ANK3: variants seen among roughly 807,000 people sequenced by gnomAD.
ANK3 encodes ankyrin 3.
A neutral mutation model predicts 370.9 loss-of-function variants in ANK3; 57 were observed. The ratio of observed to expected loss-of-function variants is 0.15; its 90% confidence interval spans 0.12 to 0.19. The LOEUF is 0.19. Among genes scored for constraint, ANK3 ranks in the 10% least tolerant of loss-of-function variants. ANK3 has a pLI of 1.00. For synonymous variants in ANK3, 1,929 were observed against 1,946.3 expected, an observed-to-expected ratio of 0.99 and a Z score of 0.23; for missense variants, 4,439 against 5,302.1, an observed-to-expected ratio of 0.84 and a Z score of 5.06.
At position 60,278,799 on chromosome 10, in the gene ANK3, C is replaced by G; in HGVS notation, c.389G>C (p.Gly130Ala). 2 of 1,613,706 alleles carry G rather than the reference C, an allele frequency of 1.2e-6. No homozygotes were observed. The highest frequency in any genetic ancestry group is 1.7e-6 in the Non-Finnish European group (2 of 1,179,720). The stretch of plus-strand genomic sequence containing the variant: ...CTGAGATTGTGCATTGACATTGGCT[C>G]CATTTGTAACCAAGACTTTTACCAC... ...AEVVKVLVTN[G>A]ANVNAQSQNG... is the part of the protein sequence containing the mutation. The change falls in exon 4 of 44, where the codon GGA becomes GCA. Residue 130 changes from glycine (G) to alanine (A), a missense_variant. Physicochemically the swap from Gly to Ala is moderately conservative, Grantham distance 60. Transcript: ENST00000280772.
Position 60,242,859 on chromosome 10 carries a change from A to T in ANK3, c.799-8073T>A, listed in dbSNP as rs114067418. Among the ~76,000 whole-genome samples, 214 of 152,280 alleles carry T rather than the reference A, an allele frequency of 1.4e-3. 1 individual carries two copies. Among genetic ancestry groups the T allele is most frequent in the African/African-American group, 4.8e-3 (199 of 41,564 alleles). ...TTTTACAGATGAGGAAATCTGTGAA[A>T]ATCTGAAAAATTTGATTTTTTGAAG... On this transcript the variant is annotated intron_variant, in intron 7 of 43. Transcript: ENST00000280772.
chr10:60,479,837 C>A (rs556736049), intron 2 of ANK3, among the ~76,000 whole-genome samples: 28 of 152,274 alleles, frequency 1.8e-4, no homozygotes, highest in African/African-American at 6.7e-4. Flanking sequence ...AATTTCACAA[C>A]GCTTTTGATT....
At chr10:60,427,527 T>TAA (rs113958727) in intron 2 of ANK3, among the ~76,000 whole-genome samples, 3 of 142,418 alleles carry the variant, frequency 2.1e-5, no homozygotes, top group South Asian at 2.2e-4. Context: ...TTTCGGGCCC[T>TAA]AAAAAAAAAA....
chr10:60,476,096 G>A (rs183575233), intron 2 of ANK3, among the ~76,000 whole-genome samples: 1 of 152,272 alleles, frequency 6.6e-6, no homozygotes, highest in Non-Finnish European at 1.5e-5. Context: ...CAGGAGCTAA[G>A]AGAAATGAAG....
At position 60,278,798 on chromosome 10, in the gene ANK3, T is replaced by C; in HGVS notation, c.390A>G (p.Gly130=). 1 of 1,613,884 alleles carries C rather than the reference T, an allele frequency of 6.2e-7. No individual in the cohort carries two copies. Among genetic ancestry groups the C allele is most frequent in the South Asian group, 1.1e-5 (1 of 91,064 alleles). Residue 130 remains glycine (G), a synonymous_variant, in exon 4 of 44, where the codon GGA becomes GGG. Coordinates refer to ENST00000280772, the MANE Select transcript of ANK3 (RefSeq NM_020987.5). Reference sequence around the variant, plus strand: ...CCTGAGATTGTGCATTGACATTGGCTCCATTTGTAACCAAGACTTTTACCA... The same window carrying C: ...CCTGAGATTGTGCATTGACATTGGCCCCATTTGTAACCAAGACTTTTACCA... ...AEVVKVLVTN[G]ANVNAQSQNG...
rs1179209288 is a variant in ANK3 at position 60,068,522 on chromosome 10, G to T, written c.12244+115C>A. The T allele has an allele frequency of 4.5e-6, 5 of 1,111,882 alleles. No homozygotes were observed. In the East Asian group the frequency reaches 1.2e-4, roughly 26 times the overall value. 68.9% of individuals were successfully genotyped at this position (1,111,882 alleles called of 1,614,324 possible). The stretch of plus-strand genomic sequence containing the variant: ...AAACTACGGTTAAGTCACTCCACAG[G>T]CAATCACAACAGTTCATGCACTAGG... On this transcript the variant is annotated intron_variant, in intron 37 of 43. Coordinates refer to ENST00000280772, the MANE Select transcript of ANK3 (RefSeq NM_020987.5).
In ANK3 at chr10:60,176,152, G is replaced by A. The variant is rs1591289091; in HGVS notation, c.2185-2966C>T. On this transcript the variant is annotated intron_variant, in intron 18 of 43. Transcript: ENST00000280772. The stretch of plus-strand genomic sequence containing the variant: ...GTTCAAGACCAGCCTGGTCAACATG[G>A]CAAAAACCCTGTCTCTGCTAAAAAT... Among the ~76,000 whole-genome samples, 3 of 141,162 alleles carry A rather than the reference G, an allele frequency of 2.1e-5. 1 individual carries two copies. Among genetic ancestry groups the A allele is most frequent in the Admixed American group, 7.3e-5 (1 of 13,694 alleles). The allele number at this position is 141,162 out of a possible 152,430, so 92.6% of individuals were successfully genotyped here.
intron 28 of ANK3, among the ~76,000 whole-genome samples, chr10:60,090,673 G>A (rs888014221): frequency 1.3e-5 from 2 of 152,082 alleles, no homozygotes; most frequent in Non-Finnish European, 2.9e-5. Context: ...TGTTCAAACT[G>A]GATAATTTAC....
chr10:60,299,708 A>G (rs1384490441), intron 1 of ANK3, among the ~76,000 whole-genome samples: 2 of 152,198 alleles, frequency 1.3e-5, no homozygotes, highest in African/African-American at 4.8e-5. Context: ...AGTATCCCTT[A>G]AGGGGGAGAT....
intron 2 of ANK3, among the ~76,000 whole-genome samples, chr10:60,600,327 A>C (rs55849269): frequency 1.3e-5 from 2 of 152,088 alleles, no homozygotes; most frequent in Admixed American, 1.3e-4. Flanking sequence ...TCCTAATTCC[A>C]GATTTTGCTG....
intron 1 of ANK3, among the ~76,000 whole-genome samples, chr10:60,303,041 G>A (rs376754067): frequency 8.3e-4 from 126 of 152,166 alleles, no homozygotes; most frequent in African/African-American, 3.0e-3. Flanking sequence ...ATCTAACACT[G>A]TATACAAAAG....
At chr10:60,147,277 C>T (rs965774747) in intron 23 of ANK3, among the ~76,000 whole-genome samples, 1 of 152,132 alleles carries the variant, frequency 6.6e-6, no homozygotes, top group Admixed American at 6.5e-5. Flanking sequence ...GGACTGGAGC[C>T]TCAGAGAAAA....
At chr10:60,146,688 C>A (rs1253845704) in intron 23 of ANK3, among the ~76,000 whole-genome samples, 1 of 152,104 alleles carries the variant, frequency 6.6e-6, no homozygotes, top group East Asian at 1.9e-4. Flanking sequence ...AGGGTTCCAC[C>A]ATATTGGCCA....
At position 60,515,126 on chromosome 10, in the gene ANK3, T is replaced by C. The variant is rs12248282; in HGVS notation, c.96+100060A>G. 6.1e-3 allele frequency among the ~76,000 whole-genome samples: 932 copies of C among 152,276 alleles called. 10 individuals carry two copies. Among genetic ancestry groups the C allele is most frequent in the African/African-American group, 0.021 (863 of 41,564 alleles). On this transcript the variant is annotated intron_variant, in intron 2 of 43. Transcript: ENST00000373827. ...ATAAGAAGTTCTGATCAGGAAACTA[T>C]ATAGGTAATGTGTTATATTAGACAT...
At chr10:60,590,301 A>G (rs1365415214) in intron 2 of ANK3, among the ~76,000 whole-genome samples, 1 of 152,208 alleles carries the variant, frequency 6.6e-6, no homozygotes, top group Non-Finnish European at 1.5e-5. Flanking sequence ...GTATGGAAAA[A>G]CATGTAAAAT....
At chr10:60,547,759 C>G (rs1159621072) in intron 2 of ANK3, among the ~76,000 whole-genome samples, 1 of 151,850 alleles carries the variant, frequency 6.6e-6, no homozygotes, top group Non-Finnish European at 1.5e-5. Context: ...CCTTATCAAG[C>G]AAATTAACTA....
chr10:60,607,327 G>A (rs2078141675), intron 2 of ANK3, among the ~76,000 whole-genome samples: 1 of 152,058 alleles, frequency 6.6e-6, no homozygotes. Flanking sequence ...AGACAGTAAG[G>A]ATTGGGACTA....
chr10:60,071,530 G>A lies in ANK3; in HGVS notation c.9351C>T (p.Ile3117=), dbSNP rs1716236855. 2 of 1,614,038 alleles carry A rather than the reference G, an allele frequency of 1.2e-6. No homozygotes were observed. Among genetic ancestry groups the A allele is most frequent in the Non-Finnish European group, 8.5e-7 (1 of 1,179,964 alleles). Residue 3117 remains isoleucine (I), a synonymous_variant, in exon 37 of 44, where the codon ATC becomes ATT. Transcript: ENST00000280772. ...GTACTGTCTTACATTCCTGACTTAT[G>A]ATTTTTTTTACACCTCCTTGTTGTA... The part of the protein sequence containing the change: ...KEIQQGGVKK[I]ISQECKTVQE...
intron 2 of ANK3, among the ~76,000 whole-genome samples, chr10:60,434,576 G>T (rs1056290757): frequency 7.9e-5 from 12 of 152,164 alleles, no homozygotes; most frequent in Non-Finnish European, 1.6e-4. Flanking sequence ...TCTTTGGCAG[G>T]TTCATCTTGA....
Sources: gnomAD v4.1 joint callset for allele counts (sites outside exome capture counted in the v4.1 genomes callset) on GRCh38, gnomAD v4.1.1 for gene constraint, MANE v1.5 for transcripts, NCBI Gene and HGNC (gene_info 2026-07-23, HGNC 2026-07-21) for gene names.